Variants in GBP6 observed in about 807,000 individuals in gnomAD.
GBP6 encodes guanylate-binding protein 6.
A neutral mutation model predicts 61.5 loss-of-function variants in GBP6; 54 were observed. The observed-to-expected ratio is 0.88, with a 90% CI of 0.71 to 1.10. The LOEUF (loss-of-function observed/expected upper bound fraction) is 1.10, where lower values mean the gene tolerates loss of function less well. Among genes scored for constraint, GBP6 ranks in the 50% least tolerant of loss-of-function variants. GBP6 has a pLI of 0.00. For synonymous variants in GBP6, 255 were observed against 273.7 expected, an observed-to-expected ratio of 0.93 and a Z score of 0.67; for missense variants, 748 against 752.8, an observed-to-expected ratio of 0.99 and a Z score of 0.07.
rs1181871353 is a variant in GBP6 at position 89,383,729 on chromosome 1, C to T, written c.1443C>T (p.Leu481=). The T allele has an allele frequency of 1.2e-6, 2 of 1,611,968 alleles. No individual in the cohort carries two copies. Among genetic ancestry groups the T allele is most frequent in the Non-Finnish European group, 1.7e-6 (2 of 1,179,398 alleles). ...CCATCTTGCAGTCAGATAAAGCCCTCACTGATAGAGAGAAGGCAGTAGCAG... is the reference window on the plus strand; with the variant it reads ...CCATCTTGCAGTCAGATAAAGCCCTTACTGATAGAGAGAAGGCAGTAGCAG... ...EESILQSDKA[L]TDREKAVAVD... Residue 481 remains leucine, a synonymous_variant, in exon 9 of 11, where the codon CTC becomes CTT. Transcript: ENST00000370456.
In GBP6 at chr1:89,369,654, G is replaced by A. The variant is rs1557536998; in HGVS notation, c.299G>A (p.Gly100Asp). ...NHTLVLLDTEGLGDVEKGDPK... is the reference protein window; with the variant it reads ...NHTLVLLDTEDLGDVEKGDPK... ...ACCCTGGTCCTTCTGGACACCGAAGGTCTGGGCGATGTGGAAAAGGTAAGA... is the reference window on the plus strand; with the variant it reads ...ACCCTGGTCCTTCTGGACACCGAAGATCTGGGCGATGTGGAAAAGGTAAGA... Residue 100 changes from glycine to aspartate, a missense_variant, in exon 3 of 11, where the codon GGT (glycine) becomes GAT (aspartate). By Grantham distance (94) the Gly-to-Asp change is moderately conservative. Coordinates refer to ENST00000370456, the MANE Select transcript of GBP6 (RefSeq NM_198460.3). The A allele has an allele frequency of 6.2e-7, 1 of 1,614,048 alleles. No homozygotes were observed. Among genetic ancestry groups the A allele is most frequent in the African/African-American group, 1.3e-5 (1 of 75,042 alleles).
chr1:89,380,567 T>C lies in GBP6; in HGVS notation c.807T>C (p.Cys269=), dbSNP rs1652946254. The C allele has an allele frequency of 6.2e-7, 1 of 1,614,114 alleles. No individual in the cohort carries two copies. Among genetic ancestry groups the C allele is most frequent in the East Asian group, 2.2e-5 (1 of 44,876 alleles). ...PKFQEQTNIF[C]SYIFTHARTK... is the part of the protein sequence containing the mutation. ...TCCAGGAACAAACAAACATTTTCTG[T>C]TCTTACATCTTCACTCATGCAAGAA... The change falls in exon 6 of 11, where the codon TGT becomes TGC. Residue 269 remains cysteine, a synonymous_variant. Coordinates refer to ENST00000370456, the MANE Select transcript of GBP6 (RefSeq NM_198460.3).
chr1:89,384,117 C>T lies in GBP6; in HGVS notation c.1493C>T (p.Ala498Val). ...VAVDRAKKEA[A>V]EKEQELLKQK... ...GTGGATCGGGCCAAGAAGGAGGCAG[C>T]TGAGAAGGAACAGGAACTTTTAAAA... The change falls in exon 10 of 11, where the codon GCT becomes GTT. Residue 498 changes from alanine to valine, a missense_variant. By Grantham distance (64) the Ala-to-Val change is moderately conservative. Coordinates refer to ENST00000370456, the MANE Select transcript of GBP6 (RefSeq NM_198460.3). The T allele has an allele frequency of 6.2e-7, 1 of 1,613,136 alleles. No individual in the cohort carries two copies. Among genetic ancestry groups the T allele is most frequent in the African/African-American group, 1.3e-5 (1 of 74,966 alleles).
intron 3 of GBP6, among the ~76,000 whole-genome samples, chr1:89,375,899 C>T (rs1198033124): frequency 6.6e-6 from 1 of 151,818 alleles, no homozygotes; most frequent in Non-Finnish European, 1.5e-5. Context: ...TTTTTTTTCC[C>T]CTTCTATCTA....
At chr1:89,381,266 CAAAAAAA>C (rs769164915) in intron 6 of GBP6, among the ~76,000 whole-genome samples, 2 of 51,218 alleles carry the variant, frequency 3.9e-5, no homozygotes, top group African/African-American at 7.0e-5. Context: ...GCCTGGGCCT[CAAAAAAA>C]AAAAAAAAAA....
rs200306309 is a variant in GBP6, at chr1:89,380,437, G to A, written c.677G>A (p.Arg226His). The A allele has an allele frequency of 4.3e-5, 70 of 1,613,842 alleles. No homozygotes were observed. The highest frequency in any genetic ancestry group is 1.2e-4 in the South Asian group (11 of 91,076). The change falls in exon 6 of 11, where the codon CGT (arginine) becomes CAT (histidine). Residue 226 changes from arginine to histidine, a missense_variant. Coordinates refer to ENST00000370456, the MANE Select transcript of GBP6 (RefSeq NM_198460.3). ...AATTTTCCCAGGGAGTGCATCAGGC[G>A]TTTCTTTCCAAAACGGAAGTGTTTC... The part of the protein sequence containing the change: ...TSNFPRECIR[R>H]FFPKRKCFVF...
At chr1:89,378,357 T>G in intron 4 of GBP6, 60 bp from the exon 5 acceptor site, 1 of 1,548,548 alleles carries the variant, frequency 6.5e-7, no homozygotes, top group Non-Finnish European at 8.8e-7. Context: ...TTATAATATT[T>G]TTATAAAAGA....
rs1652955102 is a variant in GBP6 at position 89,380,735 on chromosome 1, G to A, written c.871+104G>A. 1.9e-5 allele frequency: 19 copies of A among 974,940 alleles called. 1 individual carries two copies. The Middle Eastern group carries it at 6.6e-4, about 34-fold the overall frequency. 60.4% of individuals were successfully genotyped at this position (974,940 alleles called of 1,614,324 possible). A position where few individuals can be genotyped will look rare whatever the true frequency, so the allele number is the denominator to read the frequency against. On this transcript the variant is annotated intron_variant, in intron 6 of 10. Coordinates refer to ENST00000370456, the MANE Select transcript of GBP6 (RefSeq NM_198460.3). ...TAGATTCCATATAGAAAAACTACGT[G>A]TATACAGGTATTCACACTCAGTGAA...
At chr1:89,379,285 G>T (rs1225805126) in intron 5 of GBP6, among the ~76,000 whole-genome samples, 1 of 151,916 alleles carries the variant, frequency 6.6e-6, no homozygotes, top group Non-Finnish European at 1.5e-5. Context: ...TGGTAACAAG[G>T]TATTCATGAG....
intron 5 of GBP6, 75 bp from the exon 6 acceptor site, chr1:89,380,311 C>T (rs1254649498): frequency 1.5e-6 from 2 of 1,332,580 alleles, no homozygotes; most frequent in South Asian, 2.6e-5. Context: ...GACAATACAC[C>T]CTATCAAAAA....
At position 89,385,326 on chromosome 1, in the gene GBP6, A is replaced by C; in HGVS notation, c.1759A>C (p.Asn587His). ...TAAACGTATGATTGATACTACAAAAAATGATGATACTCCCTGGATTGCACG... is the reference window on the plus strand; with the variant it reads ...TAAACGTATGATTGATACTACAAAACATGATGATACTCCCTGGATTGCACG... ...QFKRMIDTTKNDDTPWIARTL... is the reference protein window; with the variant it reads ...QFKRMIDTTKHDDTPWIARTL... The change falls in exon 11 of 11, where the codon AAT becomes CAT. Residue 587 changes from asparagine to histidine, a missense_variant. Coordinates refer to ENST00000370456, the MANE Select transcript of GBP6 (RefSeq NM_198460.3). 6.2e-7 allele frequency: 1 copy of C among 1,614,184 alleles called. No homozygotes were observed. The highest frequency in any genetic ancestry group is 8.5e-7 in the Non-Finnish European group (1 of 1,180,020).
chr1:89,381,073 T>C (rs1462782128), intron 6 of GBP6, among the ~76,000 whole-genome samples: 3 of 151,918 alleles, frequency 2.0e-5, no homozygotes, highest in Admixed American at 2.0e-4. Flanking sequence ...TCGCTTGAGC[T>C]CAGGAGTTTG....
At chr1:89,378,018 A>C in intron 3 of GBP6, 85 bp from the exon 4 acceptor site, 1 of 1,245,102 alleles carries the variant, frequency 8.0e-7, no homozygotes, top group Non-Finnish European at 1.1e-6. Context: ...AGCTGAAATC[A>C]TAAGTGAAAG....
At chr1:89,370,381 G>A (rs908520717) in intron 3 of GBP6, among the ~76,000 whole-genome samples, 7 of 152,146 alleles carry the variant, frequency 4.6e-5, no homozygotes, top group Non-Finnish European at 8.8e-5. Context: ...AATTAGGAGA[G>A]TTCAGTTTAT....
At chr1:89,371,550 C>G (rs149018498) in intron 3 of GBP6, among the ~76,000 whole-genome samples, 1 of 152,050 alleles carries the variant, frequency 6.6e-6, no homozygotes, top group Non-Finnish European at 1.5e-5. Flanking sequence ...AAAAGAGAAC[C>G]AAACACAAAA....
intron 3 of GBP6, among the ~76,000 whole-genome samples, chr1:89,377,505 A>G (rs1270408282): frequency 1.3e-5 from 2 of 152,184 alleles, no homozygotes; most frequent in Non-Finnish European, 2.9e-5. Context: ...TTTTAATTTA[A>G]CATTATAGCT....
rs1298198207 is a variant in GBP6, at chr1:89,385,843, A to C, written c.*374A>C. ...CCACCATGCCCAGCCCTCATTTAGCAAAGTTTTAAACATAAAAAGTGCTTA... is the reference window on the plus strand; with the variant it reads ...CCACCATGCCCAGCCCTCATTTAGCCAAGTTTTAAACATAAAAAGTGCTTA... On this transcript the variant is annotated 3_prime_UTR_variant, in exon 11 of 11. Transcript: ENST00000370456. The C allele has an allele frequency of 1.5e-4, 25 of 168,556 alleles. No individual in the cohort carries two copies. The highest frequency in any genetic ancestry group is 1.4e-3 in the Admixed American group (25 of 17,244). 10.4% of individuals were successfully genotyped at this position (168,556 alleles called of 1,614,324 possible).
At chr1:89,374,044 C>G (rs1557538882) in intron 3 of GBP6, among the ~76,000 whole-genome samples, 1 of 151,928 alleles carries the variant, frequency 6.6e-6, no homozygotes. Context: ...AGGGGATTCC[C>G]CCTTTACTTG....
Position 89,378,106 on chromosome 1 carries a change from G to A in GBP6, c.322G>A (p.Asp108Asn). The part of the protein sequence containing the change: ...TEGLGDVEKG[D>N]PKNDSWIFAL... ...TTTGCTCTAATGTGCTTTTTAGGGT[G>A]ACCCTAAGAATGACTCCTGGATCTT... Residue 108 changes from aspartate to asparagine, a missense_variant, in exon 4 of 11, where the codon GAC becomes AAC. Transcript: ENST00000370456. 6.2e-7 allele frequency: 1 copy of A among 1,611,052 alleles called. No homozygotes were observed. Among genetic ancestry groups the A allele is most frequent in the South Asian group, 1.1e-5 (1 of 90,520 alleles).
Sources: gnomAD v4.1 joint callset for allele counts (sites outside exome capture counted in the v4.1 genomes callset) on GRCh38, gnomAD v4.1.1 for gene constraint, MANE v1.5 for transcripts, NCBI Gene and HGNC (gene_info 2026-07-23, HGNC 2026-07-21) for gene names.